The following PTH2R variants were observed in gnomAD, a reference collection of about 807,000 sequenced individuals.
PTH2R encodes PTH2 receptor.
PTH2R carries 59 observed loss-of-function variants against 60.3 expected under a neutral mutation model. The ratio of observed to expected loss-of-function variants is 0.98; its 90% CI spans 0.79 to 1.22. PTH2R has a LOEUF of 1.22. Among genes scored for constraint, PTH2R ranks in the 50% most tolerant of loss-of-function variants. The pLI is 0.00. For synonymous variants in PTH2R, 256 were observed against 243.8 expected, an observed-to-expected ratio of 1.05 and a Z score of -0.47; for missense variants, 749 against 682.6, an observed-to-expected ratio of 1.10 and a Z score of -1.08.
rs1227704273 is a variant in PTH2R, at chr2:208,490,683, A to C, written c.1257+3A>C. 6.2e-7 allele frequency: 1 copy of C among 1,608,050 alleles called. No individual in the cohort carries two copies. ...TCTACTGCTACTGCAATGGAGAGGT[A>C]GGTTTGTAGGAACCTTGGACAGGTC... On this transcript the variant is annotated splice_donor_region_variant and intron_variant, in intron 12 of 12. Transcript: ENST00000272847.
At chr2:208,416,821 C>T (rs1473252752) in intron 1 of PTH2R, among the ~76,000 whole-genome samples, 1 of 152,176 alleles carries the variant, frequency 6.6e-6, no homozygotes, top group Non-Finnish European at 1.5e-5. Context: ...ATCTTTCTCC[C>T]GTGCTGGTTG....
In PTH2R at chr2:208,477,895, GCACTAC is replaced by G. The variant is rs1703044950; in HGVS notation, c.982-3174_982-3169del. On this transcript the variant is annotated intron_variant, in intron 9 of 12. Coordinates refer to ENST00000272847, the MANE Select transcript of PTH2R (RefSeq NM_005048.4). ...TTTAAAAAAATTACTACTAGTACTA[GCACTAC>G]TACTAGTACTAGCACTACTACTAGT... Among the ~76,000 whole-genome samples the G allele has an allele frequency of 2.8e-5, 4 of 145,202 alleles. No individual in the cohort carries two copies. In the South Asian group the frequency reaches 8.6e-4, roughly 31 times the overall value.
chr2:208,468,443 A>G (rs1702804737), intron 9 of PTH2R, among the ~76,000 whole-genome samples: 1 of 152,124 alleles, frequency 6.6e-6, no homozygotes, highest in Non-Finnish European at 1.5e-5. Context: ...TCCCTACCCA[A>G]TGAACTCCAT....
intron 1 of PTH2R, among the ~76,000 whole-genome samples, chr2:208,391,556 C>G (rs1179379009): frequency 6.6e-6 from 1 of 152,122 alleles, no homozygotes; most frequent in East Asian, 1.9e-4. Flanking sequence ...TGTCAAAGGC[C>G]TTTTGAACTT....
intron 8 of PTH2R, among the ~76,000 whole-genome samples, chr2:208,452,862 G>T (rs1702433571): frequency 6.6e-6 from 1 of 152,176 alleles, no homozygotes; most frequent in Non-Finnish European, 1.5e-5. Context: ...GCCACGAATG[G>T]TAGAAAAGTA....
chr2:208,423,540 T>C (rs950100096), intron 1 of PTH2R, among the ~76,000 whole-genome samples: 1 of 152,196 alleles, frequency 6.6e-6, no homozygotes, highest in Non-Finnish European at 1.5e-5. Flanking sequence ...ATTTGTTCTG[T>C]ATGTATTTGG....
intron 8 of PTH2R, among the ~76,000 whole-genome samples, chr2:208,456,298 G>T (rs1040536871): frequency 2.0e-5 from 3 of 152,044 alleles, no homozygotes; most frequent in African/African-American, 7.2e-5. Flanking sequence ...AGTAGGTTGG[G>T]CAAATTAAAT....
intron 1 of PTH2R, among the ~76,000 whole-genome samples, chr2:208,425,730 G>A (rs952189582): frequency 6.6e-6 from 1 of 152,192 alleles, no homozygotes. Context: ...TGTTTTTCCA[G>A]GCTGTCTTTT....
At chr2:208,433,052 G>A (rs1702004648) in intron 2 of PTH2R, among the ~76,000 whole-genome samples, 1 of 152,044 alleles carries the variant, frequency 6.6e-6, no homozygotes, top group African/African-American at 2.4e-5. Context: ...TCATCACAAA[G>A]ACATTTCAAA....
Position 208,481,179 on chromosome 2 carries a change from G to A in PTH2R, c.1076+15G>A, listed in dbSNP as rs764920908. On this transcript the variant is annotated intron_variant, in intron 10 of 12. Transcript: ENST00000272847. Reference sequence around the variant, plus strand: ...AAGCAATACAGGTAATTTCAGGAGAGGCATCCATCAGAGGAAATATTTTGG... The same window carrying A: ...AAGCAATACAGGTAATTTCAGGAGAAGCATCCATCAGAGGAAATATTTTGG... 77 of 1,537,140 alleles carry A rather than the reference G, an allele frequency of 5.0e-5. No individual in the cohort carries two copies. Among genetic ancestry groups the A allele is most frequent in the Non-Finnish European group, 6.7e-5 (75 of 1,120,996 alleles).
chr2:208,401,744 A>G (rs1419932655), intron 1 of PTH2R, among the ~76,000 whole-genome samples: 2 of 151,964 alleles, frequency 1.3e-5, no homozygotes, highest in Non-Finnish European at 2.9e-5. Context: ...CTCAGTTCTG[A>G]TGACTCCTCT....
intron 8 of PTH2R, among the ~76,000 whole-genome samples, chr2:208,458,681 T>A (rs1239756500): frequency 2.0e-5 from 3 of 152,156 alleles, no homozygotes; most frequent in Non-Finnish European, 4.4e-5. Flanking sequence ...CTTCCACTTA[T>A]AAGTGAGAAC....
At chr2:208,490,106 T>G (rs751192553) in intron 11 of PTH2R, among the ~76,000 whole-genome samples, 1 of 152,182 alleles carries the variant, frequency 6.6e-6, no homozygotes, top group Non-Finnish European at 1.5e-5. Context: ...ATGTGCTATT[T>G]GTTTATATTT....
intron 1 of PTH2R, among the ~76,000 whole-genome samples, chr2:208,412,624 T>C (rs777236496): frequency 6.6e-6 from 1 of 152,208 alleles, no homozygotes; most frequent in Non-Finnish European, 1.5e-5. Flanking sequence ...TACTGGGAGA[T>C]AGGACACCTG....
intron 5 of PTH2R, among the ~76,000 whole-genome samples, chr2:208,442,684 A>G (rs981666965): frequency 6.6e-6 from 1 of 152,240 alleles, no homozygotes; most frequent in South Asian, 2.1e-4. Context: ...CTTTAACCCA[A>G]TAAGTATGTA....
chr2:208,476,796 C>G (rs571091237), intron 9 of PTH2R, among the ~76,000 whole-genome samples: 2 of 152,096 alleles, frequency 1.3e-5, no homozygotes, highest in South Asian at 4.2e-4. Context: ...CTGCGGGAGG[C>G]TGGGGTGGAT....
intron 1 of PTH2R, among the ~76,000 whole-genome samples, chr2:208,385,935 C>A (rs1286194640): frequency 6.6e-6 from 1 of 152,196 alleles, no homozygotes; most frequent in Non-Finnish European, 1.5e-5. Context: ...ATATTGTTCA[C>A]CCCTATCCTG....
chr2:208,389,205 T>A (rs1386659538), intron 1 of PTH2R, among the ~76,000 whole-genome samples: 1 of 148,612 alleles, frequency 6.7e-6, no homozygotes, highest in Non-Finnish European at 1.5e-5. Flanking sequence ...TACAGAATGA[T>A]GATACATTAA....
intron 1 of PTH2R, chr2:208,360,266 G>T: frequency 2.4e-6 from 1 of 421,884 alleles, no homozygotes; most frequent in Non-Finnish European, 4.8e-6. Flanking sequence ...TTGTTCTCCC[G>T]CCTTCTGCGT....
Sources: gnomAD v4.1 joint callset for allele counts (sites outside exome capture counted in the v4.1 genomes callset) on GRCh38, gnomAD v4.1.1 for gene constraint, MANE v1.5 for transcripts, NCBI Gene and HGNC (gene_info 2026-07-23, HGNC 2026-07-21) for gene names.